The following CAMSAP1 variants were observed in gnomAD, a reference collection of about 807,000 sequenced individuals.
The protein encoded by CAMSAP1 is calmodulin-regulated spectrin-associated protein 1.
CAMSAP1 carries 58 observed loss-of-function variants against 143.5 expected under a neutral mutation model. The ratio of observed to expected loss-of-function variants is 0.40; its 90% CI spans 0.33 to 0.50. The LOEUF (loss-of-function observed/expected upper bound fraction) is 0.50. CAMSAP1 is among the 20% of genes least tolerant of loss of function. The probability of loss-of-function intolerance (pLI) is 0.45; values close to 1 mark genes in which losing one functional copy is unlikely to be tolerated. For synonymous variants in CAMSAP1, 945 were observed against 859.3 expected (o/e 1.10, Z -1.74); for missense variants, 1,969 against 2,115.7 (o/e 0.93, Z 1.36).
chr9:135,869,479 G>C (rs1207113324), intron 3 of CAMSAP1, among the ~76,000 whole-genome samples: 5 of 151,492 alleles, frequency 3.3e-5, no homozygotes, highest in African/African-American at 1.2e-4. Context: ...CTCCCGCTTG[G>C]GCAAAAGGGC....
In CAMSAP1 at chr9:135,811,554, G is replaced by T; in HGVS notation, c.4564C>A (p.Gln1522Lys). ...TAGTAGCAGTAAAGCGCCCTGAACT[G>T]GCAGCCAGCATCACGAAACAGTATG... ...YIILFRDAGC[Q>K]FRALYCYYPD... Residue 1522 changes from glutamine (Q) to lysine (K), a missense_variant, in exon 17 of 17, where the codon CAG becomes AAG. By Grantham distance (53) the Gln-to-Lys change is moderately conservative. Around this residue, in one of 4 missense-constraint regions of CAMSAP1, gnomAD observed 143 missense variants for 200.6 expected, o/e 0.71. Coordinates refer to ENST00000389532, the MANE Select transcript of CAMSAP1 (RefSeq NM_015447.4). The surrounding 1 kb of genome is among the most constrained non-coding windows in gnomAD (Gnocchi z 4.9). 1.2e-6 allele frequency: 2 copies of T among 1,603,904 alleles called. No homozygotes were observed. The highest frequency in any genetic ancestry group is 1.7e-6 in the Non-Finnish European group (2 of 1,174,876).
intron 1 of CAMSAP1, among the ~76,000 whole-genome samples, chr9:135,894,023 G>A (rs1290604886): frequency 1.3e-5 from 2 of 152,142 alleles, no homozygotes; most frequent in East Asian, 3.9e-4. Context: ...AGGTGACACA[G>A]GCCTGATGCT....
At chr9:135,855,188 C>T (rs1836911385) in intron 5 of CAMSAP1, among the ~76,000 whole-genome samples, 1 of 152,100 alleles carries the variant, frequency 6.6e-6, no homozygotes, top group African/African-American at 2.4e-5. Flanking sequence ...GACAGGGTTT[C>T]ACCTTGTTGG....
chr9:135,848,974 T>C (rs573965208), intron 7 of CAMSAP1, among the ~76,000 whole-genome samples: 1 of 152,334 alleles, frequency 6.6e-6, no homozygotes, highest in Admixed American at 6.5e-5. Flanking sequence ...AAAGGTGCAC[T>C]CTCAGACACT....
intron 1 of CAMSAP1, among the ~76,000 whole-genome samples, chr9:135,895,492 T>TA (rs936287161): frequency 3.3e-5 from 5 of 152,032 alleles, no homozygotes; most frequent in Middle Eastern, 3.4e-3. Context: ...AGACTATCCT[T>TA]AAAAAAATGA....
chr9:135,868,747 G>C (rs551666600), intron 3 of CAMSAP1, among the ~76,000 whole-genome samples: 1 of 150,552 alleles, frequency 6.6e-6, no homozygotes, highest in African/African-American at 2.4e-5. Flanking sequence ...CTCCTGAATA[G>C]TTGGGACTAC....
intron 3 of CAMSAP1, among the ~76,000 whole-genome samples, chr9:135,879,513 C>CT (rs921919751): frequency 2.0e-5 from 3 of 152,076 alleles, no homozygotes; most frequent in African/African-American, 7.2e-5. Flanking sequence ...TTAAGTTTTT[C>CT]TATGTCTTTA....
intron 7 of CAMSAP1, among the ~76,000 whole-genome samples, chr9:135,845,981 A>C (rs958165858): frequency 6.7e-6 from 1 of 149,948 alleles, no homozygotes; most frequent in Non-Finnish European, 1.5e-5. Context: ...CCATCAAACT[A>C]CCATTGACTT....
Position 135,818,640 on chromosome 9 carries a change from A to G in CAMSAP1, c.3960-24T>C, listed in dbSNP as rs991500548. The G allele has an allele frequency of 8.7e-6, 14 of 1,606,856 alleles. No homozygotes were observed. Among genetic ancestry groups the G allele is most frequent in the Non-Finnish European group, 1.1e-5 (13 of 1,175,804 alleles). Reference sequence around the variant, plus strand: ...GCCTGAGAGAAACACACGCCCAGACACTGCTCGGTCACGGGGCTTCTTCCA... The same window carrying G: ...GCCTGAGAGAAACACACGCCCAGACGCTGCTCGGTCACGGGGCTTCTTCCA... On this transcript the variant is annotated intron_variant, in intron 12 of 16. Transcript: ENST00000389532. The surrounding 1 kb of genome is among the most constrained non-coding windows in gnomAD (Gnocchi z 7.7).
At chr9:135,836,470 C>T (rs1836044982) in intron 7 of CAMSAP1, 1 of 984,368 alleles carries the variant, frequency 1.0e-6, no homozygotes, top group Non-Finnish European at 1.2e-6. Flanking sequence ...CGTCACCACA[C>T]ACTTTCTACC....
intron 14 of CAMSAP1, 87 bp downstream of exon 14, chr9:135,817,890 T>C: frequency 2.0e-6 from 2 of 983,232 alleles, no homozygotes; most frequent in Non-Finnish European, 3.1e-6. Flanking sequence ...TACAAAAGCC[T>C]CTCTCACCGT....
At chr9:135,853,387 A>G (rs1371920603) in intron 5 of CAMSAP1, among the ~76,000 whole-genome samples, 4 of 152,174 alleles carry the variant, frequency 2.6e-5, no homozygotes, top group Admixed American at 1.3e-4. Flanking sequence ...AGCTTTCCCA[A>G]CTTTTGCTGT....
chr9:135,890,957 C>T (rs1472993754), intron 1 of CAMSAP1, among the ~76,000 whole-genome samples: 1 of 152,174 alleles, frequency 6.6e-6, no homozygotes. Context: ...AGACAAACAC[C>T]TACCTAAGGA....
At chr9:135,862,347 TATA>T in intron 5 of CAMSAP1, 117 bp downstream of exon 5, 1 of 1,198,788 alleles carries the variant, frequency 8.3e-7, no homozygotes, top group Non-Finnish European at 1.1e-6. Flanking sequence ...CATCCCAATT[TATA>T]TTAAGGATTC....
intron 7 of CAMSAP1, among the ~76,000 whole-genome samples, chr9:135,849,070 G>A (rs1836678552): frequency 6.6e-6 from 1 of 152,220 alleles, no homozygotes; most frequent in South Asian, 2.1e-4. Context: ...AGCTTACAAT[G>A]GGGTCATGCC....
At chr9:135,829,356 T>A (rs57865647) in intron 7 of CAMSAP1, among the ~76,000 whole-genome samples, 2,367 of 146,970 alleles carry the variant, frequency 0.016, 63 homozygotes, top group African/African-American at 0.056. Context: ...AAAAAAAAAA[T>A]TAAAGTAGCT....
At chr9:135,855,174 T>G (rs1359100141) in intron 5 of CAMSAP1, among the ~76,000 whole-genome samples, 1 of 152,084 alleles carries the variant, frequency 6.6e-6, no homozygotes, top group African/African-American at 2.4e-5. Context: ...GTATTTTTAG[T>G]AGAGACAGGG....
intron 1 of CAMSAP1, among the ~76,000 whole-genome samples, chr9:135,896,310 G>C (rs980846918): frequency 1.3e-5 from 2 of 152,114 alleles, no homozygotes; most frequent in Non-Finnish European, 2.9e-5. Flanking sequence ...ATTACATAAT[G>C]ATAAAAGGAT....
intron 1 of CAMSAP1, among the ~76,000 whole-genome samples, chr9:135,903,869 G>T (rs1157865831): frequency 1.3e-5 from 2 of 152,194 alleles, no homozygotes; most frequent in African/African-American, 4.8e-5. Flanking sequence ...GAAGTGTTGG[G>T]GGGACCCACA....
Sources: gnomAD v4.1 joint callset for allele counts (sites outside exome capture counted in the v4.1 genomes callset) on GRCh38, gnomAD v4.1.1 for gene constraint, gnomAD v4.1.1 regional missense constraint, Gnocchi (gnomAD v3.1) non-coding constraint, MANE v1.5 for transcripts, NCBI Gene and HGNC (gene_info 2026-07-23, HGNC 2026-07-21) for gene names.